Variants in IGF1R observed in about 807,000 individuals in gnomAD.
IGF1R encodes insulin-like growth factor 1 receptor.
A neutral mutation model predicts 144.6 loss-of-function variants in IGF1R; 44 were observed. That is an observed-to-expected ratio of 0.30 (90% CI 0.24 to 0.39). IGF1R has a LOEUF of 0.39. Among genes scored for constraint, IGF1R ranks in the 10% least tolerant of loss-of-function variants. The pLI is 1.00. For synonymous variants in IGF1R, 795 were observed against 722.8 expected (o/e 1.10, Z -1.60); for missense variants, 1,355 against 1,833.7 (o/e 0.74, Z 4.77).
At position 98,960,607 on chromosome 15, in the gene IGF1R, T is replaced by C. The variant is rs9282715; in HGVS notation, c.*3165T>C. 0.13 allele frequency: 30,291 copies of C among 233,470 alleles called. 3,026 individuals are homozygous for C. The highest frequency in any genetic ancestry group is 0.31 in the African/African-American group (13,978 of 45,408). 14.5% of individuals were successfully genotyped at this position (233,470 alleles called of 1,614,324 possible). A position where few individuals can be genotyped will look rare whatever the true frequency, so the allele number is the denominator to read the frequency against. ...GCTCCCCTTGCTGCTGCTCCATCCC[T>C]GCAGGAGGCTCGCGCTGAGGCAGGA... On this transcript the variant is annotated 3_prime_UTR_variant, in exon 21 of 21. Coordinates refer to ENST00000650285, the MANE Select transcript of IGF1R (RefSeq NM_000875.5).
At chr15:98,722,422 C>A (rs1216503950) in intron 2 of IGF1R, among the ~76,000 whole-genome samples, 1 of 152,148 alleles carries the variant, frequency 6.6e-6, no homozygotes, top group Non-Finnish European at 1.5e-5. Context: ...GCCCTCGACT[C>A]GTGAATGAGT....
At chr15:98,907,685 G>A (rs1015611732) in intron 5 of IGF1R, among the ~76,000 whole-genome samples, 11 of 152,218 alleles carry the variant, frequency 7.2e-5, no homozygotes, top group African/African-American at 2.4e-4. Flanking sequence ...GACCTAAGCC[G>A]TAGCTGTCTG....
chr15:98,704,482 G>T lies in IGF1R; in HGVS notation c.95-3080G>T, dbSNP rs553832265. ...TGTCAGATGGTGTTGGGACAGGGAC[G>T]GACCGTGAGGAGGCTGGATCATGGG... On this transcript the variant is annotated intron_variant, in intron 1 of 20. Transcript: ENST00000650285. This position sits in a 1 kb window ranked among gnomAD's most constrained non-coding sequence, Gnocchi z 4.9. Among the ~76,000 whole-genome samples the T allele has an allele frequency of 6.6e-6, 1 of 152,160 alleles. No individual in the cohort carries two copies. Among genetic ancestry groups the T allele is most frequent in the African/African-American group, 2.4e-5 (1 of 41,422 alleles).
rs1213341961 is a variant in IGF1R, at chr15:98,935,873, C to T, written c.3297+447C>T. Among the ~76,000 whole-genome samples, 1 of 152,144 alleles carries T rather than the reference C, an allele frequency of 6.6e-6. No individual in the cohort carries two copies. On this transcript the variant is annotated intron_variant, in intron 17 of 20. Coordinates refer to ENST00000650285, the MANE Select transcript of IGF1R (RefSeq NM_000875.5). This position sits in a 1 kb window ranked among gnomAD's most constrained non-coding sequence, Gnocchi z 4.2. Reference sequence around the variant, plus strand: ...GTTGTGCTGTTGTTGGAGTGTGTCCCCCCTCCACCCCGTTGTGTTTAGCTT... The same window carrying T: ...GTTGTGCTGTTGTTGGAGTGTGTCCTCCCTCCACCCCGTTGTGTTTAGCTT...
intron 2 of IGF1R, among the ~76,000 whole-genome samples, chr15:98,833,229 T>G (rs1446580954): frequency 6.6e-6 from 1 of 152,226 alleles, no homozygotes; most frequent in East Asian, 1.9e-4. Context: ...TACCTCTCCT[T>G]TCCCCATCTG....
intron 1 of IGF1R, among the ~76,000 whole-genome samples, chr15:98,683,942 C>A (rs74032518): frequency 6.6e-6 from 1 of 152,116 alleles, no homozygotes; most frequent in Non-Finnish European, 1.5e-5. Context: ...AATCACCTGG[C>A]GGGCGTAGAT....
At chr15:98,711,259 A>T (rs998333503) in intron 2 of IGF1R, among the ~76,000 whole-genome samples, 5 of 152,188 alleles carry the variant, frequency 3.3e-5, no homozygotes, top group Non-Finnish European at 7.3e-5. Context: ...TTAAGCACAG[A>T]AGAATCCCAT....
chr15:98,739,638 A>G (rs2054692317), intron 2 of IGF1R, among the ~76,000 whole-genome samples: 1 of 151,984 alleles, frequency 6.6e-6, no homozygotes, highest in Non-Finnish European at 1.5e-5. Context: ...TGAAACTAAG[A>G]GTCTCTGTTG....
chr15:98,654,368 G>A (rs751234879), intron 1 of IGF1R, among the ~76,000 whole-genome samples: 25 of 152,134 alleles, frequency 1.6e-4, no homozygotes, highest in Non-Finnish European at 2.9e-4. Flanking sequence ...GTACATGAAC[G>A]TTGCATAGCA....
At chr15:98,768,519 G>A (rs1350336319) in intron 2 of IGF1R, among the ~76,000 whole-genome samples, 1 of 151,544 alleles carries the variant, frequency 6.6e-6, no homozygotes, top group African/African-American at 2.4e-5. Flanking sequence ...GGAGGCTGAG[G>A]CAGGAGAATC....
At chr15:98,761,847 AC>A (rs2055304579) in intron 2 of IGF1R, among the ~76,000 whole-genome samples, 1 of 152,174 alleles carries the variant, frequency 6.6e-6, no homozygotes, top group African/African-American at 2.4e-5. Flanking sequence ...TTTGTTGGCC[AC>A]CTTTCAAGTG....
At chr15:98,708,411 T>G (rs1464064722) in intron 2 of IGF1R, among the ~76,000 whole-genome samples, 1 of 152,256 alleles carries the variant, frequency 6.6e-6, no homozygotes, top group African/African-American at 2.4e-5. Flanking sequence ...AGACACTTGC[T>G]GACCTTCAGC....
At position 98,935,700 on chromosome 15, in the gene IGF1R, C is replaced by G. The variant is rs1209988456; in HGVS notation, c.3297+274C>G. 6.6e-6 allele frequency among the ~76,000 whole-genome samples: 1 copy of G among 152,076 alleles called. No homozygotes were observed. Among genetic ancestry groups the G allele is most frequent in the Non-Finnish European group, 1.5e-5 (1 of 68,026 alleles). Reference sequence around the variant, plus strand: ...CTGCATTCCCTCCACCCCCAGTCCCCTCCCCACATCAGTGTCCACCTGCCA... The same window carrying G: ...CTGCATTCCCTCCACCCCCAGTCCCGTCCCCACATCAGTGTCCACCTGCCA... On this transcript the variant is annotated intron_variant, in intron 17 of 20. Transcript: ENST00000650285. This position sits in a 1 kb window ranked among gnomAD's most constrained non-coding sequence, Gnocchi z 4.2.
At position 98,963,691 on chromosome 15, in the gene IGF1R, G is replaced by A. The variant is rs2017315580; in HGVS notation, c.*6249G>A. The A allele has an allele frequency of 4.3e-6, 1 of 233,178 alleles. No homozygotes were observed. Among genetic ancestry groups the A allele is most frequent in the African/African-American group, 2.2e-5 (1 of 45,348 alleles). 14.4% of individuals were successfully genotyped at this position (233,178 alleles called of 1,614,324 possible). On this transcript the variant is annotated 3_prime_UTR_variant, in exon 21 of 21. Transcript: ENST00000650285. ...CAGCTATGGGGCACACAGGCCATTTGCTTACATGCCTCGTATCATGACTGA... is the reference window on the plus strand; with the variant it reads ...CAGCTATGGGGCACACAGGCCATTTACTTACATGCCTCGTATCATGACTGA...
intron 2 of IGF1R, among the ~76,000 whole-genome samples, chr15:98,850,748 G>A (rs770044373): frequency 4.6e-5 from 7 of 152,162 alleles, no homozygotes; most frequent in Non-Finnish European, 1.0e-4. Flanking sequence ...CACTTGGTGG[G>A]GGGGGGTACC....
intron 2 of IGF1R, among the ~76,000 whole-genome samples, chr15:98,796,199 A>C (rs1177557824): frequency 6.6e-6 from 1 of 151,944 alleles, no homozygotes; most frequent in Non-Finnish European, 1.5e-5. Flanking sequence ...ATCCCATCAC[A>C]GCATGTGCTG....
At chr15:98,821,692 A>T (rs1349540476) in intron 2 of IGF1R, among the ~76,000 whole-genome samples, 2 of 152,248 alleles carry the variant, frequency 1.3e-5, no homozygotes, top group Admixed American at 6.5e-5. Context: ...AGAATGGGAC[A>T]GCTTTATTCA....
intron 19 of IGF1R, 89 bp from the exon 20 acceptor site, chr15:98,948,485 C>T (rs755148559): frequency 3.5e-5 from 49 of 1,391,168 alleles, no homozygotes; most frequent in Non-Finnish European, 4.7e-5. Flanking sequence ...AGTTTATCTG[C>T]TCGGGATGTA....
intron 2 of IGF1R, among the ~76,000 whole-genome samples, chr15:98,787,807 G>A (rs1167340638): frequency 6.6e-6 from 1 of 152,224 alleles, no homozygotes; most frequent in Non-Finnish European, 1.5e-5. Flanking sequence ...TCAGCTGGAG[G>A]TGTCTGGTAG....
Sources: gnomAD v4.1 joint callset for allele counts (sites outside exome capture counted in the v4.1 genomes callset) on GRCh38, gnomAD v4.1.1 for gene constraint, Gnocchi (gnomAD v3.1) non-coding constraint, MANE v1.5 for transcripts, NCBI Gene and HGNC (gene_info 2026-07-23, HGNC 2026-07-21) for gene names.